DLC1: variants seen among roughly 807,000 people sequenced by gnomAD.
DLC1 encodes rho GTPase-activating protein 7.
In DLC1, 54 loss-of-function variants were observed where a neutral mutation model predicts 140.3. The ratio of observed to expected loss-of-function variants is 0.38; its 90% CI spans 0.31 to 0.48. DLC1 has a LOEUF of 0.48. DLC1 is among the 20% of genes least tolerant of loss of function. The pLI, the probability that DLC1 is intolerant of heterozygous loss-of-function variation, is 0.96. For missense variants in DLC1, 2,536 were observed against 1,907.0 expected, an observed-to-expected ratio of 1.33 and a Z score of -6.14; for synonymous variants, 986 against 728.1, an observed-to-expected ratio of 1.35 and a Z score of -5.70.
chr8:13,093,970 A>G (rs1194873817), intron 12 of DLC1, among the ~76,000 whole-genome samples: 1 of 152,250 alleles, frequency 6.6e-6, no homozygotes, highest in South Asian at 2.1e-4. Context: ...TGTTCTCCCA[A>G]GTATTTCTGG....
At chr8:13,248,270 C>A (rs1450296802) in intron 5 of DLC1, among the ~76,000 whole-genome samples, 1 of 152,226 alleles carries the variant, frequency 6.6e-6, no homozygotes, top group Non-Finnish European at 1.5e-5. Context: ...GTTTTTGCAG[C>A]AGCTTCTGCA....
intron 2 of DLC1, among the ~76,000 whole-genome samples, chr8:13,489,494 C>A (rs889894364): frequency 6.7e-6 from 1 of 149,080 alleles, no homozygotes; most frequent in African/African-American, 2.5e-5. Context: ...AAGGTGTTTA[C>A]TATGTGTACA....
intron 8 of DLC1, among the ~76,000 whole-genome samples, chr8:13,101,171 A>G (rs1008547468): frequency 2.6e-5 from 4 of 152,182 alleles, no homozygotes; most frequent in Admixed American, 6.5e-5. Flanking sequence ...TGGGCTTCCC[A>G]AAGTGTTGGG....
intron 1 of DLC1, among the ~76,000 whole-genome samples, chr8:13,575,773 C>G (rs763921300): frequency 1.3e-5 from 2 of 152,130 alleles, no homozygotes; most frequent in African/African-American, 2.4e-5. Flanking sequence ...TGTTTGAGAG[C>G]CCAGCATTGT....
At position 13,500,171 on chromosome 8, in the gene DLC1, G is replaced by T. The variant is rs1288632409; in HGVS notation, c.-100C>A. On this transcript the variant is annotated 5_prime_UTR_variant, in exon 2 of 18. Coordinates refer to ENST00000276297, the MANE Select transcript of DLC1 (RefSeq NM_182643.3). ...TATTTCAAAATCACCAATCAAAGAAGCGAATGAGTTCTGTCATTTCACCAC... is the reference window on the plus strand; with the variant it reads ...TATTTCAAAATCACCAATCAAAGAATCGAATGAGTTCTGTCATTTCACCAC... 3.6e-6 allele frequency: 4 copies of T among 1,102,854 alleles called. No homozygotes were observed. Among genetic ancestry groups the T allele is most frequent in the Admixed American group, 4.7e-5 (2 of 42,530 alleles). 68.3% of individuals were successfully genotyped at this position (1,102,854 alleles called of 1,614,324 possible). A position where few individuals can be genotyped will look rare whatever the true frequency, so the allele number is the denominator to read the frequency against.
At position 13,499,349 on chromosome 8, in the gene DLC1, A is replaced by G. The variant is rs182488013; in HGVS notation, c.723T>C (p.Pro241=). The change falls in exon 2 of 18, where the codon CCT becomes CCC. Residue 241 remains proline, a synonymous_variant. Coordinates refer to ENST00000276297, the MANE Select transcript of DLC1 (RefSeq NM_182643.3). ...IAQQRRKPDP[P]KDENERSTCN... ...AGGTGCTTCTTTCATTTTCATCTTT[A>G]GGGGGGTCAGGTTTCCTTCGTTGCT... The G allele has an allele frequency of 6.2e-7, 1 of 1,613,912 alleles. No individual in the cohort carries two copies. The highest frequency in any genetic ancestry group is 1.3e-5 in the African/African-American group (1 of 75,000).
upstream of DLC1, among the ~76,000 whole-genome samples, chr8:13,518,092 C>T (rs1456793898): frequency 1.6e-5 from 2 of 125,090 alleles, no homozygotes; most frequent in East Asian, 2.7e-4. Context: ...TTTTAAAGAT[C>T]ACCTTTCTTT....
chr8:13,152,018 T>C (rs1446413369), intron 5 of DLC1, among the ~76,000 whole-genome samples: 4 of 152,232 alleles, frequency 2.6e-5, no homozygotes, highest in Non-Finnish European at 4.4e-5. Flanking sequence ...CTGTGTCATA[T>C]TATGGATTGC....
intron 5 of DLC1, among the ~76,000 whole-genome samples, chr8:13,190,483 C>T (rs565243177): frequency 3.0e-4 from 45 of 152,326 alleles, no homozygotes; most frequent in African/African-American, 9.6e-4. Flanking sequence ...CTTGGAATTA[C>T]ATTCCCCTTA....
chr8:13,247,967 T>A (rs1185691026), intron 5 of DLC1, among the ~76,000 whole-genome samples: 1 of 152,238 alleles, frequency 6.6e-6, no homozygotes, highest in Non-Finnish European at 1.5e-5. Flanking sequence ...ATGTAAATGA[T>A]TAGCTGTAGT....
chr8:13,435,692 T>C (rs974403296), intron 2 of DLC1, among the ~76,000 whole-genome samples: 1 of 152,186 alleles, frequency 6.6e-6, no homozygotes, highest in African/African-American at 2.4e-5. Context: ...ACTGTGCACA[T>C]TGTTAAAATG....
intron 5 of DLC1, among the ~76,000 whole-genome samples, chr8:13,292,842 T>C (rs541164827): frequency 2.0e-5 from 3 of 152,236 alleles, no homozygotes; most frequent in East Asian, 3.9e-4. Context: ...TATTTAAACA[T>C]GAGGGGATGT....
At chr8:13,185,546 A>G (rs1395855872) in intron 5 of DLC1, among the ~76,000 whole-genome samples, 1 of 151,952 alleles carries the variant, frequency 6.6e-6, no homozygotes, top group Non-Finnish European at 1.5e-5. Flanking sequence ...TGACCTTGTG[A>G]TCTGCTCGCC....
At chr8:13,353,814 G>C (rs1038618773) in intron 4 of DLC1, among the ~76,000 whole-genome samples, 1 of 151,606 alleles carries the variant, frequency 6.6e-6, no homozygotes, top group Admixed American at 6.6e-5. Context: ...CTGAGATTGT[G>C]CCACTGCACT....
At chr8:13,476,731 T>A (rs1211653459) in intron 2 of DLC1, among the ~76,000 whole-genome samples, 1 of 152,188 alleles carries the variant, frequency 6.6e-6, no homozygotes, top group Non-Finnish European at 1.5e-5. Context: ...GAATATCTTG[T>A]TCATCTTTGA....
intron 2 of DLC1, among the ~76,000 whole-genome samples, chr8:13,417,014 C>G (rs932728033): frequency 4.0e-5 from 6 of 151,814 alleles, no homozygotes; most frequent in African/African-American, 1.5e-4. Context: ...TAAATAAGTC[C>G]GAGGATTTCT....
intron 2 of DLC1, among the ~76,000 whole-genome samples, chr8:13,489,438 C>CAT (rs1157035266): frequency 2.0e-5 from 3 of 150,094 alleles, no homozygotes; most frequent in African/African-American, 7.4e-5. Context: ...CACACACACA[C>CAT]ACACACACAC....
intron 5 of DLC1, among the ~76,000 whole-genome samples, chr8:13,185,504 T>A (rs564450413): frequency 1.8e-4 from 28 of 152,168 alleles, no homozygotes; most frequent in Admixed American, 7.2e-4. Context: ...AGACAGGATT[T>A]CACTGTGTTA....
upstream of DLC1, among the ~76,000 whole-genome samples, chr8:13,518,113 T>C (rs1418817116): frequency 6.6e-6 from 1 of 150,766 alleles, no homozygotes; most frequent in African/African-American, 2.5e-5. Context: ...TTTTTGTTTT[T>C]GTTTTTGTTT....
Sources: allele counts gnomAD v4.1 joint callset (sites outside exome capture counted in the v4.1 genomes callset), GRCh38; gene constraint gnomAD v4.1.1; transcripts MANE v1.5; gene names NCBI Gene and HGNC (gene_info 2026-07-23, HGNC 2026-07-21).